Variants in DLG2 observed in about 807,000 individuals in gnomAD.
DLG2 encodes the protein disks large homolog 2.
A neutral mutation model predicts 132.5 loss-of-function variants in DLG2; 45 were observed. The observed-to-expected ratio is 0.34, with a 90% CI of 0.27 to 0.44. The LOEUF (loss-of-function observed/expected upper bound fraction) is 0.44. Among genes scored for constraint, DLG2 ranks in the 20% least tolerant of loss-of-function variants. The pLI, the probability that DLG2 is intolerant of heterozygous loss-of-function variation, is 1.00. For missense variants in DLG2, 1,045 were observed against 1,196.9 expected (o/e 0.87, Z 1.87); for synonymous variants, 424 against 419.6 (o/e 1.01, Z -0.13).
chr11:83,593,632 C>T (rs1237639859), intron 19 of DLG2, among the ~76,000 whole-genome samples: 2 of 143,632 alleles, frequency 1.4e-5, no homozygotes, highest in East Asian at 2.0e-4. Flanking sequence ...TACCCTAAAA[C>T]TTAAAGTATA....
intron 3 of DLG2, among the ~76,000 whole-genome samples, chr11:85,460,150 G>C (rs553843944): frequency 6.6e-6 from 1 of 152,300 alleles, no homozygotes; most frequent in East Asian, 1.9e-4. Flanking sequence ...TGCAGTGGAG[G>C]TGAAGCCTGG....
chr11:83,656,685 A>G (rs536158532), intron 18 of DLG2, among the ~76,000 whole-genome samples: 1 of 152,330 alleles, frequency 6.6e-6, no homozygotes, highest in South Asian at 2.1e-4. Flanking sequence ...ATTGATTCCT[A>G]AAGGGACACA....
chr11:85,112,631 C>T (rs1328549438), intron 5 of DLG2, among the ~76,000 whole-genome samples: 3 of 152,016 alleles, frequency 2.0e-5, no homozygotes. Context: ...CTATTCTGGA[C>T]ACATTATATT....
At chr11:85,300,757 G>T (rs948656287) in intron 3 of DLG2, among the ~76,000 whole-genome samples, 2 of 152,122 alleles carry the variant, frequency 1.3e-5, no homozygotes, top group African/African-American at 4.8e-5. Context: ...CTGTTCTAGG[G>T]AGTTTATTTC....
intron 6 of DLG2, among the ~76,000 whole-genome samples, chr11:85,110,645 T>C (rs1208892356): frequency 2.0e-5 from 3 of 152,040 alleles, no homozygotes; most frequent in Non-Finnish European, 2.9e-5. Flanking sequence ...CTGCCACAGA[T>C]AAACAAAAAC....
intron 9 of DLG2, among the ~76,000 whole-genome samples, chr11:84,127,230 A>G (rs1207112926): frequency 6.6e-6 from 1 of 152,200 alleles, no homozygotes; most frequent in African/African-American, 2.4e-5. Context: ...GATGGCTTTC[A>G]GAGGAAACCC....
At chr11:85,191,199 C>CACACAG (rs1555395245) in intron 4 of DLG2, among the ~76,000 whole-genome samples, 117 of 151,182 alleles carry the variant, frequency 7.7e-4, no homozygotes, top group South Asian at 4.4e-3. Flanking sequence ...CACACACACA[C>CACACAG]ACACACGTTT....
At chr11:84,438,980 C>CAAA (rs1337120686) in intron 7 of DLG2, among the ~76,000 whole-genome samples, 1 of 152,144 alleles carries the variant, frequency 6.6e-6, no homozygotes, top group Non-Finnish European at 1.5e-5. Context: ...GAATCAACAA[C>CAAA]AACAACAACA....
At chr11:85,000,324 T>C (rs746508464) in intron 6 of DLG2, among the ~76,000 whole-genome samples, 5 of 152,198 alleles carry the variant, frequency 3.3e-5, no homozygotes, top group Non-Finnish European at 7.4e-5. Context: ...TTAGAGGTCT[T>C]TCTGGTATTT....
chr11:83,469,320 C>T lies in DLG2; in HGVS notation c.2500G>A (p.Val834Ile). Residue 834 changes from valine to isoleucine, a missense_variant, in exon 25 of 28, where the codon GTC becomes ATC. Val to Ile is a conservative substitution (Grantham distance 29). This residue lies in a region of DLG2 where 398 missense variants were observed against 543.6 expected (regional missense o/e 0.73). Coordinates refer to ENST00000376104, the MANE Select transcript of DLG2 (RefSeq NM_001142699.3). ...YEVDGRDYHF[V>I]ISREQMEKDI... ...TTCTCCATTTGTTCTCTGGAAATGA[C>T]AAAGTGATAGTCTCTGCCATCCACC... 6.2e-7 allele frequency: 1 copy of T among 1,613,766 alleles called. No individual in the cohort carries two copies.
intron 13 of DLG2, among the ~76,000 whole-genome samples, chr11:83,964,921 C>A (rs1156838710): frequency 6.6e-6 from 1 of 151,956 alleles, no homozygotes; most frequent in Non-Finnish European, 1.5e-5. Flanking sequence ...CAGGAAGAAT[C>A]ATAGAGCTAC....
At chr11:85,272,606 G>C (rs1039726425) in intron 4 of DLG2, among the ~76,000 whole-genome samples, 9 of 152,076 alleles carry the variant, frequency 5.9e-5, no homozygotes, top group Non-Finnish European at 1.0e-4. Flanking sequence ...AAATAAAAGA[G>C]GACACAAACA....
chr11:83,690,082 T>C (rs1040379158), intron 18 of DLG2, among the ~76,000 whole-genome samples: 2 of 148,460 alleles, frequency 1.3e-5, no homozygotes, highest in East Asian at 3.9e-4. Context: ...AATTATTGTG[T>C]AACTGTATTA....
intron 11 of DLG2, among the ~76,000 whole-genome samples, chr11:83,994,799 G>A (rs1017548821): frequency 2.0e-4 from 31 of 152,084 alleles, no homozygotes; most frequent in Non-Finnish European, 1.5e-5. Flanking sequence ...CAAGATCAAG[G>A]CATTAGCAGG....
intron 6 of DLG2, among the ~76,000 whole-genome samples, chr11:85,027,369 G>A (rs1165201188): frequency 6.6e-6 from 1 of 152,038 alleles, no homozygotes; most frequent in Non-Finnish European, 1.5e-5. Flanking sequence ...CCAGAAGCAG[G>A]GGCTATAATT....
intron 7 of DLG2, among the ~76,000 whole-genome samples, chr11:84,368,130 T>C (rs913535240): frequency 6.6e-6 from 1 of 152,134 alleles, no homozygotes; most frequent in Non-Finnish European, 1.5e-5. Flanking sequence ...TTGAAAACAA[T>C]TCTAAACTAT....
chr11:84,719,144 TC>T (rs1249642223), intron 6 of DLG2, among the ~76,000 whole-genome samples: 1 of 152,146 alleles, frequency 6.6e-6, no homozygotes, highest in Non-Finnish European at 1.5e-5. Context: ...AAATCCTGAC[TC>T]CCAATTTTTC....
At chr11:84,248,533 A>C (rs924611532) in intron 8 of DLG2, among the ~76,000 whole-genome samples, 1 of 152,072 alleles carries the variant, frequency 6.6e-6, no homozygotes, top group African/African-American at 2.4e-5. Context: ...ACCCTTAAGG[A>C]AGCACAAAGT....
intron 6 of DLG2, among the ~76,000 whole-genome samples, chr11:84,655,820 T>C (rs1374096173): frequency 6.6e-6 from 1 of 151,944 alleles, no homozygotes; most frequent in Admixed American, 6.6e-5. Flanking sequence ...TATGCAAATG[T>C]TACTCTTAAT....
Sources: gnomAD v4.1 joint callset for allele counts (sites outside exome capture counted in the v4.1 genomes callset) on GRCh38, gnomAD v4.1.1 for gene constraint, gnomAD v4.1.1 regional missense constraint, MANE v1.5 for transcripts, NCBI Gene and HGNC (gene_info 2026-07-23, HGNC 2026-07-21) for gene names.